DAB1: variants seen among roughly 807,000 people sequenced by gnomAD.
The protein encoded by DAB1 is DAB adaptor protein 1.
DAB1 carries 15 observed loss-of-function variants against 64.6 expected under a neutral mutation model. The ratio of observed to expected loss-of-function variants is 0.23; its 90% CI spans 0.16 to 0.36. DAB1 has a LOEUF of 0.36. Ranked by LOEUF, DAB1 falls within the 10% of genes least tolerant of loss-of-function variation. DAB1 has a pLI of 1.00. For missense variants in DAB1, 596 were observed against 706.7 expected (o/e 0.84, Z 1.78); for synonymous variants, 235 against 251.9 (o/e 0.93, Z 0.64).
intron 4 of DAB1, among the ~76,000 whole-genome samples, chr1:58,152,070 G>A (rs1425709377): frequency 6.6e-6 from 1 of 152,152 alleles, no homozygotes; most frequent in Non-Finnish European, 1.5e-5. Context: ...AGGGTCTTGA[G>A]GTGGGGTGGC....
intron 5 of DAB1, among the ~76,000 whole-genome samples, chr1:58,018,804 A>G (rs1646778386): frequency 6.6e-6 from 1 of 152,208 alleles, no homozygotes; most frequent in Admixed American, 6.5e-5. Context: ...TCAAAGAAGT[A>G]CATTGTTATA....
intron 1 of DAB1, among the ~76,000 whole-genome samples, chr1:57,312,527 A>G (rs1674808567): frequency 6.6e-6 from 1 of 152,222 alleles, no homozygotes; most frequent in African/African-American, 2.4e-5. Flanking sequence ...TCTCTTCCTA[A>G]TGATAAACTC....
intron 6 of DAB1, among the ~76,000 whole-genome samples, chr1:57,714,814 A>G (rs1460835945): frequency 2.0e-5 from 3 of 152,178 alleles, no homozygotes; most frequent in Non-Finnish European, 2.9e-5. Flanking sequence ...GTGCCTTTTT[A>G]TAGAAGTACT....
chr1:57,725,245 C>G (rs536614793), intron 6 of DAB1, among the ~76,000 whole-genome samples: 1 of 152,176 alleles, frequency 6.6e-6, no homozygotes, highest in South Asian at 2.1e-4. Context: ...CATGCAGGAA[C>G]GATTACTTGC....
At chr1:57,411,984 T>G (rs887670536) in intron 1 of DAB1, among the ~76,000 whole-genome samples, 2 of 152,242 alleles carry the variant, frequency 1.3e-5, no homozygotes, top group Non-Finnish European at 2.9e-5. Flanking sequence ...CACCATCATT[T>G]TCCAACAGCA....
At chr1:57,734,481 CCAACTCTGA>C (rs1464986550) in intron 6 of DAB1, among the ~76,000 whole-genome samples, 1 of 152,192 alleles carries the variant, frequency 6.6e-6, no homozygotes, top group Admixed American at 6.5e-5. Flanking sequence ...AAGGTTTTAG[CCAACTCTGA>C]CAACTTCAGT....
intron 5 of DAB1, among the ~76,000 whole-genome samples, chr1:57,922,562 C>T (rs756334840): frequency 5.9e-5 from 9 of 151,618 alleles, no homozygotes; most frequent in Non-Finnish European, 1.3e-4. Context: ...GTTTGTTCCC[C>T]GAAAAAATGT....
intron 6 of DAB1, among the ~76,000 whole-genome samples, chr1:57,818,263 A>G (rs1416021341): frequency 2.0e-5 from 3 of 152,204 alleles, no homozygotes; most frequent in South Asian, 2.1e-4. Flanking sequence ...GCCTTAAAAC[A>G]CAAAGGAATA....
intron 7 of DAB1, among the ~76,000 whole-genome samples, chr1:57,439,418 G>GTTTTTTTTGTTTGTTTTTTTTTGTTTTTT: frequency 8.6e-6 from 1 of 116,172 alleles, no homozygotes; most frequent in South Asian, 3.2e-4. Flanking sequence ...TGGTGATGAG[G>GTTTTTTTTGTTTGTTTTTTTTTGTTTTTT]TTTTTTCTTT....
chr1:57,199,530 A>G (rs1664921025), intron 2 of DAB1, among the ~76,000 whole-genome samples: 3 of 152,248 alleles, frequency 2.0e-5, no homozygotes, highest in Non-Finnish European at 4.4e-5. Flanking sequence ...AACTGTGAGT[A>G]AGGAAGAAGA....
At chr1:58,250,666 A>G (rs1038424000) in intron 4 of DAB1, among the ~76,000 whole-genome samples, 5 of 152,182 alleles carry the variant, frequency 3.3e-5, no homozygotes, top group Non-Finnish European at 7.3e-5. Flanking sequence ...CTGAGGGGGA[A>G]GGACCTCAGC....
intron 7 of DAB1, among the ~76,000 whole-genome samples, chr1:57,467,067 A>G (rs1391382068): frequency 1.3e-5 from 2 of 152,190 alleles, no homozygotes; most frequent in African/African-American, 4.8e-5. Context: ...AAAGGGGAGG[A>G]AATTATACAA....
intron 5 of DAB1, among the ~76,000 whole-genome samples, chr1:57,974,957 C>T (rs1645885316): frequency 6.6e-6 from 1 of 151,962 alleles, no homozygotes; most frequent in Admixed American, 6.6e-5. Flanking sequence ...AGGCCTAGTC[C>T]CAGCTTTAAA....
At chr1:57,266,996 A>G (rs563542568) in intron 2 of DAB1, among the ~76,000 whole-genome samples, 34 of 152,304 alleles carry the variant, frequency 2.2e-4, no homozygotes, top group African/African-American at 6.7e-4. Flanking sequence ...GGTCCCAAAA[A>G]GGTACTGTCA....
chr1:57,225,326 G>A (rs1439435575), intron 2 of DAB1, among the ~76,000 whole-genome samples: 1 of 152,146 alleles, frequency 6.6e-6, no homozygotes, highest in African/African-American at 2.4e-5. Context: ...TAAGTTGTGG[G>A]GTCTGTGCTT....
intron 14 of DAB1, among the ~76,000 whole-genome samples, chr1:57,001,400 G>A (rs540249024): frequency 1.5e-3 from 231 of 152,198 alleles, no homozygotes; most frequent in African/African-American, 5.2e-3. Flanking sequence ...CACCTTCGCC[G>A]GGCACACAAG....
intron 5 of DAB1, among the ~76,000 whole-genome samples, chr1:57,918,803 G>A (rs1006364262): frequency 5.3e-5 from 8 of 151,700 alleles, no homozygotes; most frequent in South Asian, 2.1e-4. Context: ...CAGCCTGGTC[G>A]ACAGAGCGAG....
intron 4 of DAB1, among the ~76,000 whole-genome samples, chr1:57,078,250 T>C (rs1012414140): frequency 6.6e-6 from 1 of 152,158 alleles, no homozygotes; most frequent in African/African-American, 2.4e-5. Flanking sequence ...GATTTCCAAA[T>C]AACGTAGTCT....
At chr1:57,193,058 T>C (rs1302644453) in intron 2 of DAB1, among the ~76,000 whole-genome samples, 1 of 152,224 alleles carries the variant, frequency 6.6e-6, no homozygotes, top group Admixed American at 6.5e-5. Context: ...TTTATCTTTT[T>C]GTGTGTGTGG....
Sources: gnomAD v4.1 joint callset for allele counts (sites outside exome capture counted in the v4.1 genomes callset) on GRCh38, gnomAD v4.1.1 for gene constraint, MANE v1.5 for transcripts, NCBI Gene and HGNC (gene_info 2026-07-23, HGNC 2026-07-21) for gene names.